HSPG2: variants seen among roughly 807,000 people sequenced by gnomAD.
HSPG2 encodes basement membrane-specific heparan sulfate proteoglycan core protein.
Under a neutral mutation model 526.6 loss-of-function variants are expected in HSPG2, and 278 were observed. The ratio of observed to expected loss-of-function variants is 0.53; its 90% confidence interval spans 0.48 to 0.58. The LOEUF (loss-of-function observed/expected upper bound fraction) is 0.58. Ranked by LOEUF, HSPG2 falls within the 20% of genes least tolerant of loss-of-function variation. The probability of loss-of-function intolerance (pLI) is 0.00; values close to 1 mark genes in which losing one functional copy is unlikely to be tolerated. For missense variants in HSPG2, 5,354 were observed against 6,099.5 expected (o/e 0.88, Z 4.07); for synonymous variants, 2,465 against 2,555.4 (o/e 0.96, Z 1.07).
Position 21,854,960 on chromosome 1 carries a change from G to A in HSPG2, c.6021C>T (p.Ile2007=), listed in dbSNP as rs751066071. The change falls in exon 48 of 97, where the codon ATC becomes ATT. Residue 2007 remains isoleucine (I), a synonymous_variant. Transcript: ENST00000374695. ...TGATGGCTGGGATGAGCAGTGTCGC[G>A]ATGTCTGTGCGCTCTGACCGGGCCT... ...PPQARSERTD[I]ATLLIPAITT... 5.0e-6 allele frequency: 8 copies of A among 1,613,638 alleles called. No individual in the cohort carries two copies. Among genetic ancestry groups the A allele is most frequent in the South Asian group, 2.2e-5 (2 of 91,088 alleles).
At chr1:21,863,359 C>T (rs13375327) in intron 37 of HSPG2, among the ~76,000 whole-genome samples, 34,865 of 150,306 alleles carry the variant, frequency 0.23, 4,109 homozygotes, top group Admixed American at 0.31. Flanking sequence ...GGTGACGGAG[C>T]GAGACTGTCT....
chr1:21,886,382 G>T (rs1206333059), intron 9 of HSPG2, among the ~76,000 whole-genome samples: 2 of 152,164 alleles, frequency 1.3e-5, no homozygotes, highest in Non-Finnish European at 2.9e-5. Context: ...TCTCCCCCGG[G>T]GCTTGCTGTG....
rs562709354 is a variant in HSPG2, at chr1:21,827,975, C to T, written c.12532+55G>A. ...GCATAGACACCCGTGGGTACTATGT[C>T]GAGCTCCGGGGCCCCAAGACAGAGA... On this transcript the variant is annotated intron_variant, in intron 90 of 96. Transcript: ENST00000374695. The T allele has an allele frequency of 1.5e-5, 24 of 1,611,372 alleles. 1 individual carries two copies. The highest frequency in any genetic ancestry group is 1.7e-4 in the Middle Eastern group (1 of 6,060).
intron 1 of HSPG2, among the ~76,000 whole-genome samples, chr1:21,915,619 T>C (rs1643870582): frequency 6.6e-6 from 1 of 152,114 alleles, no homozygotes; most frequent in Non-Finnish European, 1.5e-5. Flanking sequence ...CCACAGCAAC[T>C]CCTTCCAGCA....
intron 6 of HSPG2, 118 bp from the exon 7 acceptor site, chr1:21,888,184 T>A: frequency 7.2e-7 from 1 of 1,388,408 alleles, no homozygotes; most frequent in Non-Finnish European, 1.0e-6. Flanking sequence ...GCTCGGTTTC[T>A]GGCAGGCACA....
At position 21,880,533 on chromosome 1, in the gene HSPG2, C is replaced by T. The variant is rs1338113909; in HGVS notation, c.2025G>A (p.Arg675=). 6.2e-7 allele frequency: 1 copy of T among 1,613,508 alleles called. No individual in the cohort carries two copies. The highest frequency in any genetic ancestry group is 8.5e-7 in the Non-Finnish European group (1 of 1,179,976). ...GCAGCAGCTCCGCGCGCTGCACCGG[C>T]CGGCCAGACTCATGGACCCAGTGCT... is the stretch of plus-strand genomic sequence containing the variant. ...SEEHWVHESG[R]PVQRAELLQV... The change falls in exon 16 of 97, where the codon CGG becomes CGA. Residue 675 remains arginine, a synonymous_variant. Coordinates refer to ENST00000374695, the MANE Select transcript of HSPG2 (RefSeq NM_005529.7).
chr1:21,878,354 C>A, intron 20 of HSPG2, 79 bp downstream of exon 20: 2 of 1,570,352 alleles, frequency 1.3e-6, no homozygotes, highest in Non-Finnish European at 8.7e-7. Context: ...TGAGCTGGGG[C>A]AGGGAGGGAG....
In HSPG2 at chr1:21,852,693, C is replaced by G. The variant is rs758206256; in HGVS notation, c.6724+7G>C. The G allele has an allele frequency of 1.2e-6, 2 of 1,613,222 alleles. No individual in the cohort carries two copies. Among genetic ancestry groups the G allele is most frequent in the Non-Finnish European group, 1.7e-6 (2 of 1,180,040 alleles). ...TCCAGCTTTCCATGTCACTGGGAGTCACTCACCAGGGATGACAGAGGCTTC... is the reference window on the plus strand; with the variant it reads ...TCCAGCTTTCCATGTCACTGGGAGTGACTCACCAGGGATGACAGAGGCTTC... On this transcript the variant is annotated splice_region_variant and intron_variant, in intron 52 of 96. Transcript: ENST00000374695.
At position 21,885,038 on chromosome 1, in the gene HSPG2, A is replaced by C. The variant is rs1383181926; in HGVS notation, c.1330T>G (p.Trp444Gly). The C allele has an allele frequency of 6.2e-7, 1 of 1,613,788 alleles. No individual in the cohort carries two copies. The highest frequency in any genetic ancestry group is 8.5e-7 in the Non-Finnish European group (1 of 1,179,990). ...PTPIINWRLN[W>G]GHIPSHPRVT... Reference sequence around the variant, plus strand: ...CTGGGATGAGAGGGGATGTGGCCCCAGTTGAGCCTCCAATTGATGATGGGG... The same window carrying C: ...CTGGGATGAGAGGGGATGTGGCCCCCGTTGAGCCTCCAATTGATGATGGGG... The change falls in exon 11 of 97, where the codon TGG (tryptophan) becomes GGG (glycine). Residue 444 changes from tryptophan to glycine, a missense_variant. Coordinates refer to ENST00000374695, the MANE Select transcript of HSPG2 (RefSeq NM_005529.7).
rs772303683 is a variant in HSPG2, at chr1:21,880,356, C to T, written c.2195+7G>A. 3.1e-6 allele frequency: 5 copies of T among 1,614,140 alleles called. No individual in the cohort carries two copies. The South Asian group carries it at 5.5e-5, about 18-fold the overall frequency. On this transcript the variant is annotated splice_region_variant and intron_variant, in intron 16 of 96. Transcript: ENST00000374695. Reference sequence around the variant, plus strand: ...TCTGTGGTTCCCAGCCCTGCCGGCTCAGGCACCTGCACTCCTCCACACTGT... The same window carrying T: ...TCTGTGGTTCCCAGCCCTGCCGGCTTAGGCACCTGCACTCCTCCACACTGT...
chr1:21,822,849 C>A lies in HSPG2; in HGVS notation c.*467G>T. On this transcript the variant is annotated 3_prime_UTR_variant, in exon 97 of 97. Coordinates refer to ENST00000374695, the MANE Select transcript of HSPG2 (RefSeq NM_005529.7). The stretch of plus-strand genomic sequence containing the variant: ...GCTGCCTTTTGCTCCACAGCCGGCA[C>A]TAAAGACAATTCCCAATCCTGAGTG... The A allele has an allele frequency of 6.2e-6, 1 of 162,558 alleles. No homozygotes were observed. Among genetic ancestry groups the A allele is most frequent in the Non-Finnish European group, 1.4e-5 (1 of 74,064 alleles). 10.1% of individuals were successfully genotyped at this position (162,558 alleles called of 1,614,324 possible).
intron 6 of HSPG2, 81 bp downstream of exon 6, chr1:21,889,900 G>C (rs765180333): frequency 6.9e-7 from 1 of 1,454,094 alleles, no homozygotes; most frequent in Admixed American, 1.7e-5. Flanking sequence ...GCAAGCCCAA[G>C]TTGGGAGCCT....
chr1:21,873,484 G>T, intron 29 of HSPG2, 60 bp from the exon 30 acceptor site: 1 of 1,508,128 alleles, frequency 6.6e-7, no homozygotes, highest in South Asian at 1.1e-5. Flanking sequence ...CCCCAGGGCT[G>T]GGCTGAGGGC....
At chr1:21,855,965 T>A (rs1203880410) in intron 44 of HSPG2, 53 bp from the exon 45 acceptor site, 1 of 1,596,290 alleles carries the variant, frequency 6.3e-7, no homozygotes, top group Non-Finnish European at 8.5e-7. Flanking sequence ...GTCGTCTGAC[T>A]CACACAACAG....
In HSPG2 at chr1:21,887,775, A is replaced by T; in HGVS notation, c.704-101T>A. On this transcript the variant is annotated intron_variant, in intron 7 of 96. Coordinates refer to ENST00000374695, the MANE Select transcript of HSPG2 (RefSeq NM_005529.7). The surrounding 1 kb of genome is among the most constrained non-coding windows in gnomAD (Gnocchi z 5.0). Reference sequence around the variant, plus strand: ...GGCCCACCCTGTACTCCCCAACACCACTCCCTGCCACCCCCTGCCTGGCTC... The same window carrying T: ...GGCCCACCCTGTACTCCCCAACACCTCTCCCTGCCACCCCCTGCCTGGCTC... 1 of 1,497,590 alleles carries T rather than the reference A, an allele frequency of 6.7e-7. No homozygotes were observed. The allele number at this position is 1,497,590 out of a possible 1,614,324, so 92.8% of individuals were successfully genotyped here. A position where few individuals can be genotyped will look rare whatever the true frequency, so the allele number is the denominator to read the frequency against.
At chr1:21,837,751 A>T (rs913067784) in intron 74 of HSPG2, among the ~76,000 whole-genome samples, 2 of 152,170 alleles carry the variant, frequency 1.3e-5, no homozygotes, top group African/African-American at 4.8e-5. Flanking sequence ...GCCTACTGCG[A>T]GCCACAGTTT....
chr1:21,841,875 G>A, intron 69 of HSPG2, 127 bp downstream of exon 69: 2 of 1,394,338 alleles, frequency 1.4e-6, no homozygotes, highest in Non-Finnish European at 1.0e-6. Context: ...GAGACGGGAA[G>A]GGCCTTACTC....
rs552306025 is a variant in HSPG2 at position 21,855,188 on chromosome 1, G to C, written c.5997+116C>G. On this transcript the variant is annotated intron_variant, in intron 47 of 96. Transcript: ENST00000374695. Reference sequence around the variant, plus strand: ...AGGGGCAGGAGACCACCATCTTGGAGGTGAAGGGAGCCACAGAGGAGGAGG... The same window carrying C: ...AGGGGCAGGAGACCACCATCTTGGACGTGAAGGGAGCCACAGAGGAGGAGG... 2.8e-6 allele frequency: 4 copies of C among 1,429,774 alleles called. No homozygotes were observed. The Admixed American group carries it at 8.0e-5, about 29-fold the overall frequency. The allele number at this position is 1,429,774 out of a possible 1,614,324, so 88.6% of individuals were successfully genotyped here. A position where few individuals can be genotyped will look rare whatever the true frequency, so the allele number is the denominator to read the frequency against.
At chr1:21,868,156 A>G (rs1264920805) in intron 33 of HSPG2, among the ~76,000 whole-genome samples, 3 of 151,690 alleles carry the variant, frequency 2.0e-5, no homozygotes, top group Non-Finnish European at 1.5e-5. Flanking sequence ...CTACAGCCTC[A>G]GTCTCCTAAG....
Sources: allele counts gnomAD v4.1 joint callset (sites outside exome capture counted in the v4.1 genomes callset), GRCh38; gene constraint gnomAD v4.1.1; non-coding constraint Gnocchi (gnomAD v3.1); transcripts MANE v1.5; gene names NCBI Gene and HGNC (gene_info 2026-07-23, HGNC 2026-07-21).